The following GRIK1 variants were observed in gnomAD, a reference collection of about 807,000 sequenced individuals.
GRIK1 encodes glutamate ionotropic receptor kainate type subunit 1.
A neutral mutation model predicts 105.7 loss-of-function variants in GRIK1; 69 were observed. The ratio of observed to expected loss-of-function variants is 0.65; its 90% CI spans 0.54 to 0.80. The LOEUF is 0.80. GRIK1 is among the 30% of genes least tolerant of loss of function. The pLI is 0.00. For missense variants in GRIK1, 1,109 were observed against 1,167.3 expected (o/e 0.95, Z 0.73); for synonymous variants, 438 against 431.3 (o/e 1.02, Z -0.19).
chr21:29,756,160 T>TCGTCTGAGCTCAGGAATTG (rs2065334156), intron 1 of GRIK1, among the ~76,000 whole-genome samples: 1 of 152,158 alleles, frequency 6.6e-6, no homozygotes, highest in Non-Finnish European at 1.5e-5. Context: ...GGCGGGCGGA[T>TCGTCTGAGCTCAGGAATTG]CACAAAGTCA....
intron 3 of GRIK1, among the ~76,000 whole-genome samples, chr21:29,679,480 C>G (rs1320904003): frequency 6.6e-6 from 1 of 152,196 alleles, no homozygotes. Flanking sequence ...AAATTTGTGT[C>G]TCCAGCCCAG....
At chr21:29,574,232 A>AC (rs1341681727) in intron 14 of GRIK1, among the ~76,000 whole-genome samples, 6 of 152,238 alleles carry the variant, frequency 3.9e-5, no homozygotes, top group Admixed American at 3.9e-4. Context: ...TAAGGGATCC[A>AC]CAGCCTGTGC....
rs568648777 is a variant in GRIK1, at chr21:29,587,964, C to CTTTTTTTTTTTTTTTTTTTT, written c.1570-395_1570-376dup. Among the ~76,000 whole-genome samples the CTTTTTTTTTTTTTTTTTTTT allele has an allele frequency of 3.4e-4, 22 of 65,410 alleles. 6 individuals carry two copies. Among genetic ancestry groups the CTTTTTTTTTTTTTTTTTTTT allele is most frequent in the East Asian group, 6.0e-4 (1 of 1,668 alleles). The allele number at this position is 65,410 out of a possible 152,430, so 42.9% of individuals were successfully genotyped here. A position where few individuals can be genotyped will look rare whatever the true frequency, so the allele number is the denominator to read the frequency against. ...GCTCTGAGCTGAAAACTTTAAAATT[C>CTTTTTTTTTTTTTTTTTTTT]TTTTTTTTTTTTTTTTTTTTTTTTT... On this transcript the variant is annotated intron_variant, in intron 11 of 17. Transcript: ENST00000327783.
intron 3 of GRIK1, among the ~76,000 whole-genome samples, chr21:29,688,860 C>T (rs2063533059): frequency 6.6e-6 from 1 of 151,880 alleles, no homozygotes; most frequent in Non-Finnish European, 1.5e-5. Context: ...CCTCAGAAAA[C>T]AGGAGTCAGG....
At chr21:29,755,571 C>A (rs56151039) in intron 1 of GRIK1, among the ~76,000 whole-genome samples, 1 of 152,146 alleles carries the variant, frequency 6.6e-6, no homozygotes, top group African/African-American at 2.4e-5. Flanking sequence ...CGCAAAACAT[C>A]GCTCCAGAGA....
intron 1 of GRIK1, among the ~76,000 whole-genome samples, chr21:29,777,238 C>G (rs2065970792): frequency 6.6e-6 from 1 of 152,132 alleles, no homozygotes; most frequent in South Asian, 2.1e-4. Flanking sequence ...AAACTTCAAC[C>G]AGAACCAGAA....
At chr21:29,840,054 G>C (rs1318166836) in intron 1 of GRIK1, among the ~76,000 whole-genome samples, 1 of 152,106 alleles carries the variant, frequency 6.6e-6, no homozygotes, top group Non-Finnish European at 1.5e-5. Context: ...CTTGAAGTTG[G>C]GGATGGACTT....
chr21:29,770,102 A>G (rs535467338), intron 1 of GRIK1, among the ~76,000 whole-genome samples: 13 of 152,174 alleles, frequency 8.5e-5, no homozygotes, highest in Non-Finnish European at 1.8e-4. Flanking sequence ...GATCTTCTCT[A>G]TCAGTAACTG....
At chr21:29,589,073 T>A (rs767267702) in intron 10 of GRIK1, 31 bp from the exon 11 acceptor site, 1 of 1,197,932 alleles carries the variant, frequency 8.3e-7, no homozygotes, top group African/African-American at 1.5e-5. Flanking sequence ...ATGAAAACCC[T>A]GTTATAATGA....
intron 7 of GRIK1, among the ~76,000 whole-genome samples, chr21:29,618,382 G>A (rs1661853475): frequency 6.6e-6 from 1 of 152,170 alleles, no homozygotes. Flanking sequence ...TGGATGCAAT[G>A]TAAAGGGAAC....
intron 1 of GRIK1, among the ~76,000 whole-genome samples, chr21:29,745,149 T>A (rs1163706840): frequency 1.3e-5 from 2 of 152,164 alleles, no homozygotes; most frequent in East Asian, 3.8e-4. Flanking sequence ...TTGTACCCTT[T>A]GATAAAACAA....
At chr21:29,819,225 C>T (rs765032423) in intron 1 of GRIK1, among the ~76,000 whole-genome samples, 1 of 152,072 alleles carries the variant, frequency 6.6e-6, no homozygotes, top group Non-Finnish European at 1.5e-5. Flanking sequence ...TAAAATACAT[C>T]CCTTCTTCCC....
At chr21:29,766,439 C>T (rs1212853095) in intron 1 of GRIK1, among the ~76,000 whole-genome samples, 1 of 152,082 alleles carries the variant, frequency 6.6e-6, no homozygotes, top group Non-Finnish European at 1.5e-5. Flanking sequence ...TAATCTGATC[C>T]TTCTGTTGAG....
In GRIK1 at chr21:29,717,857, C is replaced by A. The variant is rs142419302; in HGVS notation, c.119-23794G>T. On this transcript the variant is annotated intron_variant, in intron 1 of 17. Transcript: ENST00000327783. Reference sequence around the variant, plus strand: ...CAAAGGGCTGAATGACATGGTTTGGCTGTGTCCCCACTCAAATCTCATCTC... The same window carrying A: ...CAAAGGGCTGAATGACATGGTTTGGATGTGTCCCCACTCAAATCTCATCTC... Among the ~76,000 whole-genome samples, 123 of 152,294 alleles carry A rather than the reference C, an allele frequency of 8.1e-4. 1 individual carries two copies. Among genetic ancestry groups the A allele is most frequent in the African/African-American group, 2.6e-3 (110 of 41,550 alleles).
At chr21:29,723,097 T>C (rs1199753375) in intron 1 of GRIK1, among the ~76,000 whole-genome samples, 1 of 152,184 alleles carries the variant, frequency 6.6e-6, no homozygotes, top group Non-Finnish European at 1.5e-5. Context: ...GAGGATTGAC[T>C]TGAGCCCAGG....
At chr21:29,869,137 C>T (rs1224377096) in intron 1 of GRIK1, among the ~76,000 whole-genome samples, 2 of 152,172 alleles carry the variant, frequency 1.3e-5, no homozygotes, top group Non-Finnish European at 2.9e-5. Context: ...TCTTTTCTTC[C>T]AGTTTTGTTG....
intron 14 of GRIK1, among the ~76,000 whole-genome samples, chr21:29,575,145 G>A (rs984569413): frequency 7.2e-5 from 11 of 151,876 alleles, no homozygotes; most frequent in African/African-American, 2.7e-4. Flanking sequence ...ATTTATTATT[G>A]TTATTAAACA....
chr21:29,750,786 A>T (rs1374968884), intron 1 of GRIK1, among the ~76,000 whole-genome samples: 1 of 152,220 alleles, frequency 6.6e-6, no homozygotes, highest in East Asian at 1.9e-4. Flanking sequence ...GGTTTGATAT[A>T]TTATTAGATA....
At chr21:29,922,862 G>C (rs762031768) in intron 1 of GRIK1, among the ~76,000 whole-genome samples, 17 of 152,122 alleles carry the variant, frequency 1.1e-4, no homozygotes, top group Non-Finnish European at 2.4e-4. Context: ...TGCAGAACCT[G>C]TTTTATTTCC....
Sources: gnomAD v4.1 joint callset for allele counts (sites outside exome capture counted in the v4.1 genomes callset) on GRCh38, gnomAD v4.1.1 for gene constraint, MANE v1.5 for transcripts, NCBI Gene and HGNC (gene_info 2026-07-23, HGNC 2026-07-21) for gene names.